Variants in DNAH7 observed in about 807,000 individuals in gnomAD.
DNAH7 encodes dynein axonemal heavy chain 7.
DNAH7 carries 397 observed loss-of-function variants against 444.6 expected under a neutral mutation model. That is an observed-to-expected ratio of 0.89 (90% CI 0.82 to 0.97). The LOEUF (loss-of-function observed/expected upper bound fraction) is 0.97. Among genes scored for constraint, DNAH7 ranks in the 50% least tolerant of loss-of-function variants. The pLI is 0.00. For missense variants in DNAH7, 4,902 were observed against 4,800.8 expected (o/e 1.02, Z -0.62); for synonymous variants, 1,636 against 1,624.4 (o/e 1.01, Z -0.17).
At chr2:195,919,007 T>C (rs1687855838) in intron 24 of DNAH7, among the ~76,000 whole-genome samples, 1 of 152,084 alleles carries the variant, frequency 6.6e-6, no homozygotes, top group African/African-American at 2.4e-5. Context: ...TCCCAGCACT[T>C]TGGGAGCCCG....
intron 57 of DNAH7, among the ~76,000 whole-genome samples, chr2:195,792,295 T>C (rs538594972): frequency 6.7e-6 from 1 of 149,316 alleles, no homozygotes; most frequent in Admixed American, 6.7e-5. Context: ...ATCATTCATA[T>C]CCCAAACCTC....
intron 30 of DNAH7, 143 bp from the exon 31 acceptor site, chr2:195,891,947 G>A (rs1702036965): frequency 1.8e-6 from 1 of 547,300 alleles, no homozygotes; most frequent in African/African-American, 1.9e-5. Context: ...CAGCATACAA[G>A]GTCAATATAT....
At chr2:195,930,196 A>T (rs1688599023) in intron 21 of DNAH7, among the ~76,000 whole-genome samples, 1 of 152,216 alleles carries the variant, frequency 6.6e-6, no homozygotes, top group Admixed American at 6.5e-5. Context: ...TACAAAAATT[A>T]GCTGGGTGTG....
intron 61 of DNAH7, among the ~76,000 whole-genome samples, chr2:195,770,156 C>A (rs1694766721): frequency 6.6e-6 from 1 of 152,116 alleles, no homozygotes; most frequent in African/African-American, 2.4e-5. Flanking sequence ...GCCTCCAATG[C>A]AGAGGGAGTT....
At chr2:195,963,718 T>C (rs1691268715) in intron 17 of DNAH7, among the ~76,000 whole-genome samples, 1 of 152,240 alleles carries the variant, frequency 6.6e-6, no homozygotes. Flanking sequence ...CTCCAATGTT[T>C]CTTGTAGTAG....
intron 28 of DNAH7, among the ~76,000 whole-genome samples, chr2:195,898,077 C>G (rs78421041): frequency 6.6e-6 from 1 of 152,120 alleles, no homozygotes; most frequent in African/African-American, 2.4e-5. Flanking sequence ...GTAGAGCTTG[C>G]TTGTTCTCTG....
At chr2:195,873,734 T>A (rs376956280) in intron 38 of DNAH7, 40 bp from the exon 39 acceptor site, 2 of 1,411,168 alleles carry the variant, frequency 1.4e-6, no homozygotes, top group Non-Finnish European at 1.9e-6. Context: ...ATGTTACTAG[T>A]ATATACAAGA....
chr2:195,853,832 C>A (rs1415886857), intron 45 of DNAH7, among the ~76,000 whole-genome samples: 1 of 152,108 alleles, frequency 6.6e-6, no homozygotes, highest in Admixed American at 6.5e-5. Flanking sequence ...CATTCTTCTG[C>A]AAATATAGAT....
At chr2:195,859,701 CAT>C (rs1699909540) in intron 42 of DNAH7, among the ~76,000 whole-genome samples, 1 of 152,072 alleles carries the variant, frequency 6.6e-6, no homozygotes, top group Non-Finnish European at 1.5e-5. Context: ...ATTTTTGTCA[CAT>C]GTCAAATTCC....
intron 1 of DNAH7, among the ~76,000 whole-genome samples, chr2:196,061,078 ATACT>A (rs1698107180): frequency 6.6e-6 from 1 of 152,196 alleles, no homozygotes; most frequent in Non-Finnish European, 1.5e-5. Context: ...ATTACCCCAC[ATACT>A]TATTTTTTGT....
intron 24 of DNAH7, among the ~76,000 whole-genome samples, chr2:195,914,127 T>A (rs1457023616): frequency 2.0e-5 from 3 of 152,258 alleles, no homozygotes; most frequent in Non-Finnish European, 4.4e-5. Context: ...AATGTTTACC[T>A]CTAATATTTC....
intron 8 of DNAH7, among the ~76,000 whole-genome samples, chr2:196,022,535 C>T (rs1695443488): frequency 6.6e-6 from 1 of 152,214 alleles, no homozygotes; most frequent in Non-Finnish European, 1.5e-5. Flanking sequence ...TTTTGCTCAT[C>T]CATAAGAAGC....
chr2:195,989,991 T>C (rs1693193486), intron 12 of DNAH7, among the ~76,000 whole-genome samples: 1 of 152,214 alleles, frequency 6.6e-6, no homozygotes, highest in South Asian at 2.1e-4. Flanking sequence ...AAGAATGACC[T>C]GTCACAGATG....
intron 24 of DNAH7, among the ~76,000 whole-genome samples, chr2:195,910,704 A>C (rs760997684): frequency 3.3e-5 from 5 of 152,130 alleles, no homozygotes; most frequent in Admixed American, 6.5e-5. Context: ...AGAAGTGAGC[A>C]ATGTGGGGAG....
intron 64 of DNAH7, among the ~76,000 whole-genome samples, chr2:195,739,107 C>A (rs1344258638): frequency 3.9e-5 from 6 of 152,206 alleles, no homozygotes; most frequent in South Asian, 2.1e-4. Context: ...TCAGGAGAAT[C>A]ATTATCCATT....
chr2:195,936,513 T>C (rs1327893220), intron 20 of DNAH7, 86 bp downstream of exon 20: 1 of 803,548 alleles, frequency 1.2e-6, no homozygotes, highest in African/African-American at 1.8e-5. Context: ...ATAAACATGA[T>C]TATATATATT....
intron 63 of DNAH7, among the ~76,000 whole-genome samples, chr2:195,742,394 AATCAG>A: frequency 6.6e-6 from 1 of 152,318 alleles, no homozygotes; most frequent in Middle Eastern, 3.4e-3. Flanking sequence ...GCCTCTAACC[AATCAG>A]ATTAGTTATT....
chr2:195,829,126 G>GTTGTT (rs1697938310), intron 48 of DNAH7, among the ~76,000 whole-genome samples: 1 of 151,922 alleles, frequency 6.6e-6, no homozygotes. Flanking sequence ...TTGTTATTTT[G>GTTGTT]TTGTTTTGTT....
intron 2 of DNAH7, among the ~76,000 whole-genome samples, chr2:196,057,717 A>G (rs565856054): frequency 4.6e-5 from 7 of 152,226 alleles, no homozygotes; most frequent in Non-Finnish European, 1.0e-4. Flanking sequence ...TAATATTTGA[A>G]TTGAAACTCC....
Sources: allele counts gnomAD v4.1 joint callset (sites outside exome capture counted in the v4.1 genomes callset), GRCh38; gene constraint gnomAD v4.1.1; transcripts MANE v1.5; gene names NCBI Gene and HGNC (gene_info 2026-07-23, HGNC 2026-07-21).